Variants in ACSL6 observed in about 807,000 individuals in gnomAD.
The protein encoded by ACSL6 is acyl-CoA synthetase long chain family member 6.
A neutral mutation model predicts 98.2 loss-of-function variants in ACSL6; 47 were observed. The ratio of observed to expected loss-of-function variants is 0.48; its 90% CI spans 0.38 to 0.61. ACSL6 has a LOEUF of 0.61. Ranked by LOEUF, ACSL6 falls within the 20% of genes least tolerant of loss-of-function variation. The pLI is 0.00. For missense variants in ACSL6, 761 were observed against 913.4 expected, an observed-to-expected ratio of 0.83 and a Z score of 2.15; for synonymous variants, 362 against 336.9, an observed-to-expected ratio of 1.07 and a Z score of -0.82.
rs540165839 is a variant in ACSL6 at position 131,975,295 on chromosome 5, G to C, written c.991-325C>G. 43 of 985,422 alleles carry C rather than the reference G, an allele frequency of 4.4e-5. No homozygotes were observed. In the African/African-American group the frequency reaches 6.3e-4, roughly 14 times the overall value. The allele number at this position is 985,422 out of a possible 1,614,324, so 61.0% of individuals were successfully genotyped here. A position where few individuals can be genotyped will look rare whatever the true frequency, so the allele number is the denominator to read the frequency against. ...AATGAAGCACACAGAAACCAGCAGA[G>C]TGGGCTCCGCAGGGAAGTCTCCTCT... is the stretch of plus-strand genomic sequence containing the variant. On this transcript the variant is annotated intron_variant, in intron 10 of 20. Transcript: ENST00000651883.
chr5:132,003,281 C>G, intron 1 of ACSL6, among the ~76,000 whole-genome samples: 1 of 152,358 alleles, frequency 6.6e-6, no homozygotes, highest in East Asian at 1.9e-4. Flanking sequence ...CTGAATCCCC[C>G]CTCTGGAGGT....
chr5:131,987,907 A>T, intron 7 of ACSL6, 141 bp downstream of exon 7: 1 of 1,124,662 alleles, frequency 8.9e-7, no homozygotes, highest in Non-Finnish European at 1.3e-6. Flanking sequence ...GCCCTTGCAA[A>T]GCCTGCCCTG....
rs1752655003 is a variant in ACSL6, at chr5:131,960,571, C to G, written c.1908G>C (p.Trp636Cys). ...VVPDPEVMPS[W>C]AQKRGIEGTY... Reference sequence around the variant, plus strand: ...TTCCTTCAATTCCTCTCTTCTGGGCCCAGGAGGGCATAACTTCAGGGTCAG... The same window carrying G: ...TTCCTTCAATTCCTCTCTTCTGGGCGCAGGAGGGCATAACTTCAGGGTCAG... Residue 636 changes from tryptophan (W) to cysteine (C), a missense_variant, in exon 19 of 21, where the codon TGG (tryptophan) becomes TGC (cysteine). Coordinates refer to ENST00000651883, the MANE Select transcript of ACSL6 (RefSeq NM_001009185.3). 6.2e-7 allele frequency: 1 copy of G among 1,614,062 alleles called. No homozygotes were observed.
At chr5:132,009,672 T>C (rs1255207533) in intron 1 of ACSL6, among the ~76,000 whole-genome samples, 1 of 152,154 alleles carries the variant, frequency 6.6e-6, no homozygotes, top group Non-Finnish European at 1.5e-5. Flanking sequence ...AGGCCCTGTA[T>C]AGTCTCTCAG....
At chr5:131,975,217 G>A in intron 10 of ACSL6, 1 of 1,365,082 alleles carries the variant, frequency 7.3e-7, no homozygotes, top group South Asian at 1.6e-5. Context: ...AGGAAGCGGA[G>A]TGTTAGGTCG....
At chr5:131,986,973 CCACACACTCA>C (rs1754228984) in intron 7 of ACSL6, 119 bp from the exon 8 acceptor site, 103 of 807,982 alleles carry the variant, frequency 1.3e-4, no homozygotes, top group Middle Eastern at 3.2e-4. Flanking sequence ...ACACACATAC[CCACACACTCA>C]CACACACACA....
At chr5:131,962,378 A>C (rs1752756521) in intron 18 of ACSL6, among the ~76,000 whole-genome samples, 157 bp downstream of exon 18, 1 of 152,216 alleles carries the variant, frequency 6.6e-6, no homozygotes, top group Non-Finnish European at 1.5e-5. Context: ...ATTACATTTT[A>C]ACAAACTATA....
Position 132,011,399 on chromosome 5 carries a change from G to A in ACSL6, c.49+106C>T. The A allele has an allele frequency of 1.6e-6, 2 of 1,230,484 alleles. No individual in the cohort carries two copies. Among genetic ancestry groups the A allele is most frequent in the Non-Finnish European group, 1.2e-6 (1 of 845,384 alleles). The allele number at this position is 1,230,484 out of a possible 1,614,324, so 76.2% of individuals were successfully genotyped here. A position where few individuals can be genotyped will look rare whatever the true frequency, so the allele number is the denominator to read the frequency against. ...CTTGACGGGACAGCTCAGCAGCAGG[G>A]GATGGGGGCTCGGCGGCCGCGGAGA... On this transcript the variant is annotated intron_variant, in intron 1 of 20. Transcript: ENST00000651883. This position sits in a 1 kb window ranked among gnomAD's most constrained non-coding sequence, Gnocchi z 5.4.
rs931932376 is a variant in ACSL6, at chr5:131,953,691, T to C, written c.*543A>G. On this transcript the variant is annotated 3_prime_UTR_variant, in exon 21 of 21. Transcript: ENST00000651883. ...GAGAGAAAATTTTCACATATGACAA[T>C]GTGGATTGTCATGTTTAAAGACTCT... 1.6e-5 allele frequency: 3 copies of C among 190,938 alleles called. No individual in the cohort carries two copies. Among genetic ancestry groups the C allele is most frequent in the African/African-American group, 7.0e-5 (3 of 42,984 alleles). The allele number at this position is 190,938 out of a possible 1,614,324, so 11.8% of individuals were successfully genotyped here.
At position 131,972,800 on chromosome 5, in the gene ACSL6, C is replaced by T. The variant is rs766232398; in HGVS notation, c.1262G>A (p.Arg421His). ...KRWLLEFAAK[R>H]KQAEVRSGII... Reference sequence around the variant, plus strand: ...TCCACTCCGGACCTCGGCTTGCTTACGCTTTGCTGCAAACTCCAGGAGCCA... The same window carrying T: ...TCCACTCCGGACCTCGGCTTGCTTATGCTTTGCTGCAAACTCCAGGAGCCA... The change falls in exon 13 of 21, where the codon CGT becomes CAT. Residue 421 changes from arginine (R) to histidine (H), a missense_variant. Coordinates refer to ENST00000651883, the MANE Select transcript of ACSL6 (RefSeq NM_001009185.3). 21 of 1,614,108 alleles carry T rather than the reference C, an allele frequency of 1.3e-5. No homozygotes were observed. Among genetic ancestry groups the T allele is most frequent in the Non-Finnish European group, 1.5e-5 (18 of 1,180,048 alleles).
chr5:131,966,798 G>A (rs548561057), intron 16 of ACSL6, among the ~76,000 whole-genome samples: 115 of 152,308 alleles, frequency 7.6e-4, no homozygotes, highest in South Asian at 6.2e-3. Context: ...GAGCCCTCTG[G>A]CCTTGGCCAC....
chr5:131,980,780 C>T (rs557496064), intron 9 of ACSL6, among the ~76,000 whole-genome samples: 2 of 152,230 alleles, frequency 1.3e-5, no homozygotes, highest in South Asian at 2.1e-4. Context: ...ACTCCTGTGT[C>T]CCTCCCTTCA....
chr5:131,979,154 G>C (rs1008340716), intron 9 of ACSL6, among the ~76,000 whole-genome samples: 5 of 152,130 alleles, frequency 3.3e-5, no homozygotes, highest in Admixed American at 6.5e-5. Flanking sequence ...TATCCAAGTT[G>C]TCTCATATAC....
intron 13 of ACSL6, among the ~76,000 whole-genome samples, chr5:131,972,252 G>A (rs537127887): frequency 2.2e-4 from 34 of 152,292 alleles, no homozygotes; most frequent in African/African-American, 8.2e-4. Flanking sequence ...AAACTTTTGA[G>A]GAGGTACAGA....
At chr5:131,990,276 G>GCAGTTCACTTGGC in intron 3 of ACSL6, 112 bp from the exon 4 acceptor site, 1 of 1,077,560 alleles carries the variant, frequency 9.3e-7, no homozygotes, top group Non-Finnish European at 1.4e-6. Context: ...GTGTCCATGG[G>GCAGTTCACTTGGC]CCAAGTGAAC....
intron 20 of ACSL6, among the ~76,000 whole-genome samples, chr5:131,958,321 G>A (rs1481914678): frequency 6.6e-6 from 1 of 152,120 alleles, no homozygotes; most frequent in African/African-American, 2.4e-5. Flanking sequence ...CCAGGCCTAC[G>A]ACCACTCATT....
At chr5:131,997,999 G>T (rs1301674397) in intron 1 of ACSL6, among the ~76,000 whole-genome samples, 4 of 152,214 alleles carry the variant, frequency 2.6e-5, no homozygotes, top group Non-Finnish European at 5.9e-5. Context: ...GACATGGGGA[G>T]GGCAGAGCCT....
In ACSL6 at chr5:131,988,311, C is replaced by A. The variant is rs187987178; in HGVS notation, c.653-85G>T. The A allele has an allele frequency of 1.5e-5, 23 of 1,493,950 alleles. No individual in the cohort carries two copies. The East Asian group carries it at 2.5e-4, about 16-fold the overall frequency. The allele number at this position is 1,493,950 out of a possible 1,614,324, so 92.5% of individuals were successfully genotyped here. A position where few individuals can be genotyped will look rare whatever the true frequency, so the allele number is the denominator to read the frequency against. On this transcript the variant is annotated intron_variant, in intron 6 of 20. Transcript: ENST00000651883. ...CATGTGCCAGGCAGCACATGCCAGG[C>A]AGCACTTCCATGGTCTGTGTGCCCA...
chr5:131,992,029 A>T (rs1754551965), intron 2 of ACSL6, among the ~76,000 whole-genome samples: 1 of 152,144 alleles, frequency 6.6e-6, no homozygotes, highest in Non-Finnish European at 1.5e-5. Flanking sequence ...TATGCCAGGG[A>T]CAGAAGAGGC....
Sources: gnomAD v4.1 joint callset for allele counts (sites outside exome capture counted in the v4.1 genomes callset) on GRCh38, gnomAD v4.1.1 for gene constraint, Gnocchi (gnomAD v3.1) non-coding constraint, MANE v1.5 for transcripts, NCBI Gene and HGNC (gene_info 2026-07-23, HGNC 2026-07-21) for gene names.